The following PID1 variants were observed in gnomAD, a reference collection of about 807,000 sequenced individuals.
PID1 encodes the protein PTB-containing, cubilin and LRP1-interacting protein.
In PID1, 10 loss-of-function variants were observed where a neutral mutation model predicts 19.1. The observed-to-expected ratio is 0.52, with a 90% CI of 0.32 to 0.89. The LOEUF is 0.89. Among genes scored for constraint, PID1 ranks in the 40% least tolerant of loss-of-function variants. The pLI is 0.03. For missense variants in PID1, 248 were observed against 285.3 expected (o/e 0.87, Z 0.94); for synonymous variants, 130 against 116.0 (o/e 1.12, Z -0.78).
At chr2:229,155,761 C>T in intron 2 of PID1, 57 bp downstream of exon 2, 1 of 1,490,384 alleles carries the variant, frequency 6.7e-7, no homozygotes, top group South Asian at 1.2e-5. Flanking sequence ...GTCTCAAGCC[C>T]ACACATCTTT....
chr2:229,191,174 C>T (rs1027423443), intron 1 of PID1, among the ~76,000 whole-genome samples: 1 of 152,098 alleles, frequency 6.6e-6, no homozygotes, highest in African/African-American at 2.4e-5. Flanking sequence ...CATCCTTGGC[C>T]ATTACCCATT....
intron 2 of PID1, among the ~76,000 whole-genome samples, chr2:229,069,230 T>C (rs1311191039): frequency 6.6e-6 from 1 of 151,224 alleles, no homozygotes; most frequent in South Asian, 2.1e-4. Flanking sequence ...TTTTCTCCCA[T>C]ATTTAAACAA....
At chr2:229,070,533 T>C (rs1212062991) in intron 2 of PID1, among the ~76,000 whole-genome samples, 1 of 152,228 alleles carries the variant, frequency 6.6e-6, no homozygotes, top group African/African-American at 2.4e-5. Flanking sequence ...CATAAACTTA[T>C]ATCCAGTAAT....
At chr2:229,178,256 A>G (rs1690866922) in intron 1 of PID1, among the ~76,000 whole-genome samples, 2 of 152,300 alleles carry the variant, frequency 1.3e-5, no homozygotes, top group African/African-American at 4.8e-5. Context: ...CTCTATCCTC[A>G]GGAGAGGGAC....
Position 229,201,901 on chromosome 2 carries a change from A to AT in PID1, c.31-45938dup, listed in dbSNP as rs970379401. Among the ~76,000 whole-genome samples, 8 of 151,702 alleles carry AT rather than the reference A, an allele frequency of 5.3e-5. No individual in the cohort carries two copies. The East Asian group carries it at 9.7e-4, about 18-fold the overall frequency. On this transcript the variant is annotated intron_variant, in intron 1 of 2. Transcript: ENST00000392055. ...CCATATTCACTTTGGCTTCCATGGC[A>AT]TTTTTTTTCTTTCTGGCTGTGAAGA...
chr2:229,132,434 T>C (rs368307025), intron 2 of PID1, among the ~76,000 whole-genome samples: 2 of 152,224 alleles, frequency 1.3e-5, no homozygotes, highest in Non-Finnish European at 2.9e-5. Context: ...GGTGTCACTA[T>C]CACTGCCGGC....
intron 1 of PID1, among the ~76,000 whole-genome samples, chr2:229,166,049 C>A (rs1574684130): frequency 6.6e-6 from 1 of 152,260 alleles, no homozygotes; most frequent in Admixed American, 6.5e-5. Flanking sequence ...TTTTTAAGAG[C>A]AGAAAATTAG....
At chr2:229,124,677 G>GA (rs938961830) in intron 2 of PID1, among the ~76,000 whole-genome samples, 114 of 146,944 alleles carry the variant, frequency 7.8e-4, no homozygotes, top group African/African-American at 2.3e-3. Flanking sequence ...TGTTCAAAAA[G>GA]AAAAAAAAAA....
rs530860195 is a variant in PID1 at position 229,079,308 on chromosome 2, T to G, written c.178-53200A>C. ...TGGTTTGTTTTATTCAAAATATTTA[T>G]TCATTGTGTCTACTTATCCTAATTC... On this transcript the variant is annotated intron_variant, in intron 2 of 2. Transcript: ENST00000392055. Among the ~76,000 whole-genome samples, 20 of 152,354 alleles carry G rather than the reference T, an allele frequency of 1.3e-4. 1 individual carries two copies. In the South Asian group the frequency reaches 2.1e-3, roughly 16 times the overall value.
intron 1 of PID1, among the ~76,000 whole-genome samples, chr2:229,218,980 A>G (rs760247320): frequency 2.0e-5 from 3 of 152,182 alleles, no homozygotes; most frequent in African/African-American, 7.2e-5. Context: ...AGGTCAGGAT[A>G]TGCTAAATTG....
At chr2:229,269,838 C>T (rs1375066673) in intron 1 of PID1, among the ~76,000 whole-genome samples, 1 of 152,186 alleles carries the variant, frequency 6.6e-6, no homozygotes, top group Non-Finnish European at 1.5e-5. Context: ...GGTCTGGTGT[C>T]TCAGGCTCTG....
intron 1 of PID1, among the ~76,000 whole-genome samples, chr2:229,209,606 T>C (rs1318382235): frequency 6.6e-6 from 1 of 152,192 alleles, no homozygotes; most frequent in African/African-American, 2.4e-5. Flanking sequence ...AATTAGGACT[T>C]GGAAATTAAA....
At chr2:229,251,146 A>T (rs756026892) in intron 1 of PID1, among the ~76,000 whole-genome samples, 10 of 152,346 alleles carry the variant, frequency 6.6e-5, no homozygotes, top group Non-Finnish European at 1.5e-4. Context: ...TAGTACTTTG[A>T]TGCTCAAGGA....
intron 1 of PID1, among the ~76,000 whole-genome samples, chr2:229,202,958 C>G (rs1691530484): frequency 6.6e-6 from 1 of 152,120 alleles, no homozygotes; most frequent in Non-Finnish European, 1.5e-5. Flanking sequence ...CATGGATCCT[C>G]TCCTCAGAAA....
At chr2:229,208,397 C>T (rs1313333545) in intron 1 of PID1, among the ~76,000 whole-genome samples, 1 of 152,180 alleles carries the variant, frequency 6.6e-6, no homozygotes, top group East Asian at 1.9e-4. Flanking sequence ...ATCCAAGTAA[C>T]AATTGTCTCA....
At chr2:229,247,916 C>T (rs1690045873) in intron 1 of PID1, among the ~76,000 whole-genome samples, 1 of 152,160 alleles carries the variant, frequency 6.6e-6, no homozygotes, top group Non-Finnish European at 1.5e-5. Flanking sequence ...TATTGTCATT[C>T]TCACTTATTC....
intron 1 of PID1, chr2:229,262,760 T>C (rs943662868): frequency 1.3e-6 from 2 of 1,551,502 alleles, no homozygotes; most frequent in African/African-American, 2.7e-5. Flanking sequence ...GAAGAACATG[T>C]CCTCGACTCT....
intron 2 of PID1, among the ~76,000 whole-genome samples, chr2:229,120,407 T>A (rs1240227675): frequency 6.6e-6 from 1 of 152,018 alleles, no homozygotes; most frequent in African/African-American, 2.4e-5. Flanking sequence ...ACATTTACCA[T>A]TCATTAAGTC....
chr2:229,131,325 G>A (rs1443716845), intron 2 of PID1, among the ~76,000 whole-genome samples: 1 of 151,830 alleles, frequency 6.6e-6, no homozygotes, highest in Non-Finnish European at 1.5e-5. Context: ...CCACCTCCCG[G>A]GTTCAAGCTA....
Sources: gnomAD v4.1 joint callset for allele counts (sites outside exome capture counted in the v4.1 genomes callset) on GRCh38, gnomAD v4.1.1 for gene constraint, MANE v1.5 for transcripts, NCBI Gene and HGNC (gene_info 2026-07-23, HGNC 2026-07-21) for gene names.